Variants in TRMT1 observed in about 807,000 individuals in gnomAD.
TRMT1 encodes the protein tRNA (guanine(26)-N(2))-dimethyltransferase.
Under a neutral mutation model 75.4 loss-of-function variants are expected in TRMT1, and 63 were observed. The observed-to-expected ratio is 0.84, with a 90% confidence interval of 0.68 to 1.03. The LOEUF is 1.03. Among genes scored for constraint, TRMT1 ranks in the 50% least tolerant of loss-of-function variants. The pLI is 0.00. For missense variants in TRMT1, 870 were observed against 905.3 expected (o/e 0.96, Z 0.50); for synonymous variants, 382 against 358.1 (o/e 1.07, Z -0.75).
At position 13,105,085 on chromosome 19, in the gene TRMT1, G is replaced by A. The variant is rs2018791380; in HGVS notation, c.1834-4C>T. On this transcript the variant is annotated splice_polypyrimidine_tract_variant and splice_region_variant and intron_variant, in intron 16 of 16. Coordinates refer to ENST00000357720, the MANE Select transcript of TRMT1 (RefSeq NM_001136035.4). ...GGTCCCCGCGTTGACAGGTGCCCTG[G>A]TGGGAAGATGGTGGGTGTGAACCCC... The A allele has an allele frequency of 1.9e-6, 3 of 1,579,604 alleles. No individual in the cohort carries two copies. The highest frequency in any genetic ancestry group is 2.6e-6 in the Non-Finnish European group (3 of 1,161,644).
intron 7 of TRMT1, among the ~76,000 whole-genome samples, chr19:13,110,567 A>G (rs983917866): frequency 6.6e-6 from 1 of 152,232 alleles, no homozygotes; most frequent in African/African-American, 2.4e-5. Flanking sequence ...GATCCAACCT[A>G]TTCTGACCAG....
At position 13,109,633 on chromosome 19, in the gene TRMT1, G is replaced by C. The variant is rs147243880; in HGVS notation, c.1228C>G (p.Arg410Gly). Residue 410 changes from arginine to glycine, a missense_variant, in exon 11 of 17, where the codon CGT becomes GGT. Physicochemically the swap from Arg to Gly is moderately radical, Grantham distance 125 (BLOSUM62 -2). Coordinates refer to ENST00000357720, the MANE Select transcript of TRMT1 (RefSeq NM_001136035.4). ...EPIHDLDFVG[R>G]VLEAVSANPG... ...TTAGCGCTCACAGCCTCCAGGACAC[G>C]GCCCACAAAATCCAGGTCATGGATG... 6.2e-7 allele frequency: 1 copy of C among 1,613,900 alleles called. No individual in the cohort carries two copies. Among genetic ancestry groups the C allele is most frequent in the African/African-American group, 1.3e-5 (1 of 75,000 alleles).
rs377356048 is a variant in TRMT1 at position 13,107,817 on chromosome 19, G to A, written c.1440C>T (p.His480=). Residue 480 remains histidine, a synonymous_variant, in exon 13 of 17, where the codon CAC becomes CAT. Transcript: ENST00000357720. ...LHADFRVSLS[H]ACKNAVKTDA... is the part of the protein sequence containing the mutation. Reference sequence around the variant, plus strand: ...CCGTCTTCACAGCGTTCTTACAGGCGTGGGAGAGTGAGACCCGGAAGTCAG... The same window carrying A: ...CCGTCTTCACAGCGTTCTTACAGGCATGGGAGAGTGAGACCCGGAAGTCAG... 52 of 1,551,862 alleles carry A rather than the reference G, an allele frequency of 3.4e-5. No individual in the cohort carries two copies. Among genetic ancestry groups the A allele is most frequent in the South Asian group, 8.3e-5 (7 of 84,114 alleles).
Position 13,110,254 on chromosome 19 carries a change from C to T in TRMT1, c.923G>A (p.Arg308His), listed in dbSNP as rs889400919. 21 of 1,612,982 alleles carry T rather than the reference C, an allele frequency of 1.3e-5. No homozygotes were observed. Among genetic ancestry groups the T allele is most frequent in the Middle Eastern group, 1.8e-4 (1 of 5,448 alleles). Residue 308 changes from arginine to histidine, a missense_variant, in exon 8 of 17, where the codon CGC becomes CAC. Transcript: ENST00000357720. ...SLDLRANCYQRFVVPLLSISA... is the reference protein window; with the variant it reads ...SLDLRANCYQHFVVPLLSISA... ...GATGCTGAGCAGCGGCACCACGAAG[C>T]GCTGGTAGCAGTTGGCGCGGAGGTC...
rs1342990427 is a variant in TRMT1 at position 13,105,587 on chromosome 19, T to C, written c.1603A>G (p.Ile535Val). Residue 535 changes from isoleucine to valine, a missense_variant, in exon 15 of 17, where the codon ATC (isoleucine) becomes GTC (valine). By Grantham distance (29) the Ile-to-Val change is conservative (BLOSUM62 3). Transcript: ENST00000357720. ...GAGCTGGGGTTGGCATCTTCCCGGA[T>C]GGTGAAGTTGGCCTGCAGCCTAGGG... is the stretch of plus-strand genomic sequence containing the variant. The part of the protein sequence containing the change: ...VEPRLQANFT[I>V]REDANPSSRQ... 6.2e-7 allele frequency: 1 copy of C among 1,613,462 alleles called. No homozygotes were observed.
chr19:13,109,373 G>A lies in TRMT1; in HGVS notation c.1397+8C>T, dbSNP rs368992650. On this transcript the variant is annotated splice_region_variant and intron_variant, in intron 12 of 16. Transcript: ENST00000357720. ...GGACAGGCTCCTCCCGACCCCAGGG[G>A]CTCTTACCGCAACTGCAGGAGGCTT... 3 of 1,612,218 alleles carry A rather than the reference G, an allele frequency of 1.9e-6. No homozygotes were observed. Among genetic ancestry groups the A allele is most frequent in the South Asian group, 1.1e-5 (1 of 90,988 alleles).
chr19:13,108,029 C>T (rs1163570527), intron 12 of TRMT1, among the ~76,000 whole-genome samples, 170 bp from the exon 13 acceptor site: 6 of 129,376 alleles, frequency 4.6e-5, no homozygotes, highest in Non-Finnish European at 9.3e-5. Flanking sequence ...CTCGCTCTGT[C>T]GCTCAGGCTG....
intron 5 of TRMT1, 137 bp downstream of exon 5, chr19:13,115,142 C>G: frequency 1.1e-6 from 1 of 917,350 alleles, no homozygotes; most frequent in Non-Finnish European, 1.6e-6. Flanking sequence ...CTAATTTTCT[C>G]AGTTGACAGA....
chr19:13,105,711 C>A, intron 14 of TRMT1, 105 bp from the exon 15 acceptor site: 1 of 1,148,748 alleles, frequency 8.7e-7, no homozygotes, highest in South Asian at 1.5e-5. Context: ...CACGAGGTGT[C>A]TGCTCATGTC....
At chr19:13,108,512 C>A (rs920245718) in intron 12 of TRMT1, among the ~76,000 whole-genome samples, 6 of 151,514 alleles carry the variant, frequency 4.0e-5, no homozygotes, top group African/African-American at 1.5e-4. Context: ...GGGCTGGTCT[C>A]GAACTCCTGG....
At position 13,109,911 on chromosome 19, in the gene TRMT1, T is replaced by C; in HGVS notation, c.1106+4A>G. 6.2e-7 allele frequency: 1 copy of C among 1,614,020 alleles called. No individual in the cohort carries two copies. Among genetic ancestry groups the C allele is most frequent in the Non-Finnish European group, 8.5e-7 (1 of 1,179,970 alleles). Reference sequence around the variant, plus strand: ...TCCCCTTCTTCTCCTTCCTCCCTGCTCACCGGCCGCTGGGGACTCCTGACG... The same window carrying C: ...TCCCCTTCTTCTCCTTCCTCCCTGCCCACCGGCCGCTGGGGACTCCTGACG... On this transcript the variant is annotated splice_donor_region_variant and intron_variant, in intron 9 of 16. Transcript: ENST00000357720.
chr19:13,116,030 C>A lies in TRMT1; in HGVS notation c.277G>T (p.Ala93Ser), dbSNP rs539180932. The change falls in exon 3 of 17, where the codon GCT becomes TCT. Residue 93 changes from alanine to serine, a missense_variant. Coordinates refer to ENST00000357720, the MANE Select transcript of TRMT1 (RefSeq NM_001136035.4). ...CCTTTGGCCCCAAGCTGAATGCGAGCAAACTCGGTGATCACAGCACATCTG... is the reference window on the plus strand; with the variant it reads ...CCTTTGGCCCCAAGCTGAATGCGAGAAAACTCGGTGATCACAGCACATCTG... Reference protein sequence around the residue: ...DLTCAVITEFARIQLGAKGIQ... With the variant: ...DLTCAVITEFSRIQLGAKGIQ... The A allele has an allele frequency of 5.0e-6, 8 of 1,613,926 alleles. No individual in the cohort carries two copies. The highest frequency in any genetic ancestry group is 1.3e-5 in the African/African-American group (1 of 74,896).
In TRMT1 at chr19:13,115,417, A is replaced by G; in HGVS notation, c.503T>C (p.Ile168Thr). Residue 168 changes from isoleucine (I) to threonine (T), a missense_variant, in exon 5 of 17, where the codon ATT (isoleucine) becomes ACT (threonine). Physicochemically the swap from Ile to Thr is moderately conservative, Grantham distance 89 (BLOSUM62 -1). Transcript: ENST00000357720. ...EGLAASGLRS[I>T]RFALEVPGLR... is the part of the protein sequence containing the mutation. ...CCCAGGCACCTCTAGGGCAAATCGA[A>G]TGGAACGTAGGCCTGAAGCTGCCAG... The G allele has an allele frequency of 1.2e-6, 2 of 1,614,006 alleles. No individual in the cohort carries two copies. Among genetic ancestry groups the G allele is most frequent in the Non-Finnish European group, 1.7e-6 (2 of 1,179,996 alleles).
rs376780373 is a variant in TRMT1, at chr19:13,104,976, G to A, written c.1939C>T (p.Pro647Ser). ...PDCPETSNQT[P>S]PGPGAAAGPG... The stretch of plus-strand genomic sequence containing the variant: ...CCAGCGGCAGCCCCAGGTCCAGGGG[G>A]GGTCTGGTTGGAGGTCTCTGGACAG... The change falls in exon 17 of 17, where the codon CCC becomes TCC. Residue 647 changes from proline to serine, a missense_variant. Transcript: ENST00000357720. 6.8e-6 allele frequency: 11 copies of A among 1,613,740 alleles called. No homozygotes were observed. The African/African-American group carries it at 1.2e-4, about 18-fold the overall frequency.
rs369139510 is a variant in TRMT1, at chr19:13,116,374, C to G, written c.26G>C (p.Ser9Thr). Residue 9 changes from serine (S) to threonine (T), a missense_variant, in exon 2 of 17, where the codon AGC (serine) becomes ACC (threonine). Physicochemically the swap from Ser to Thr is moderately conservative, Grantham distance 58. Coordinates refer to ENST00000357720, the MANE Select transcript of TRMT1 (RefSeq NM_001136035.4). MQGSSLWLSLTFRSARVLS... is the reference protein window; with the variant it reads MQGSSLWLTLTFRSARVLS... Reference sequence around the variant, plus strand: ...CACCCGGGCGGAGCGGAAAGTGAGGCTTAGCCACAGAGACGATCCTTGCAT... The same window carrying G: ...CACCCGGGCGGAGCGGAAAGTGAGGGTTAGCCACAGAGACGATCCTTGCAT... The G allele has an allele frequency of 2.3e-5, 37 of 1,609,478 alleles. 1 individual carries two copies. In the South Asian group the frequency reaches 3.5e-4, roughly 15 times the overall value.
rs2145599875 is a variant in TRMT1 at position 13,115,784 on chromosome 19, G to A, written c.311-16C>T. ...GGAACCTTGACTGCAGCCACCCAGA[G>A]GCACAAGTCAGAGAATAACAAGGTC... On this transcript the variant is annotated splice_polypyrimidine_tract_variant and intron_variant, in intron 3 of 16. Transcript: ENST00000357720. The A allele has an allele frequency of 6.2e-7, 1 of 1,613,890 alleles. No individual in the cohort carries two copies. The highest frequency in any genetic ancestry group is 1.1e-5 in the South Asian group (1 of 91,078).
Position 13,116,226 on chromosome 19 carries a change from G to C in TRMT1, c.174C>G (p.Thr58=), listed in dbSNP as rs202003542. The change falls in exon 2 of 17, where the codon ACC becomes ACG. Residue 58 remains threonine, a synonymous_variant. Coordinates refer to ENST00000357720, the MANE Select transcript of TRMT1 (RefSeq NM_001136035.4). ...RPREVQETTV[T]EGAAKIAFPS... Reference sequence around the variant, plus strand: ...GAAAGGCGATTTTGGCAGCCCCCTCGGTGACTGTCGTCTCCTGGACTTCAC... The same window carrying C: ...GAAAGGCGATTTTGGCAGCCCCCTCCGTGACTGTCGTCTCCTGGACTTCAC... 2 of 1,614,192 alleles carry C rather than the reference G, an allele frequency of 1.2e-6. No individual in the cohort carries two copies. The highest frequency in any genetic ancestry group is 1.7e-5 in the Admixed American group (1 of 60,032).
rs1249250829 is a variant in TRMT1 at position 13,109,415 on chromosome 19, T to C, written c.1363A>G (p.Ile455Val). ...YYTLDQLSST[I>V]HCNTPSLLQL... ...AGGAGGCTTGGTGTGTTGCAGTGGA[T>C]GGTGCTGCTCAGCTGGTCCAGGGTG... The change falls in exon 12 of 17, where the codon ATC becomes GTC. Residue 455 changes from isoleucine (I) to valine (V), a missense_variant. Physicochemically the swap from Ile to Val is conservative, Grantham distance 29 (BLOSUM62 3). Transcript: ENST00000357720. 1 of 1,613,118 alleles carries C rather than the reference T, an allele frequency of 6.2e-7. No individual in the cohort carries two copies. The highest frequency in any genetic ancestry group is 1.3e-5 in the African/African-American group (1 of 74,822).
chr19:13,116,438 C>G lies in TRMT1; in HGVS notation c.-32-7G>C. The G allele has an allele frequency of 3.8e-6, 6 of 1,576,304 alleles. No homozygotes were observed. Among genetic ancestry groups the G allele is most frequent in the Non-Finnish European group, 5.2e-6 (6 of 1,164,146 alleles). On this transcript the variant is annotated splice_region_variant and splice_polypyrimidine_tract_variant and intron_variant, in intron 1 of 16. Transcript: ENST00000357720. ...GCGCCTCCGCCCGCCAAGCCTGGTT[C>G]GGGGGGCGGGGGAGGGCACAGAGAG... is the stretch of plus-strand genomic sequence containing the variant.
Sources: gnomAD v4.1 joint callset for allele counts (sites outside exome capture counted in the v4.1 genomes callset) on GRCh38, gnomAD v4.1.1 for gene constraint, MANE v1.5 for transcripts, NCBI Gene and HGNC (gene_info 2026-07-23, HGNC 2026-07-21) for gene names.